The following LRRC1 variants were observed in gnomAD, a reference collection of about 807,000 sequenced individuals.
LRRC1 encodes the protein leucine rich repeat containing 1, also known as leucine-rich repeat-containing protein 1.
In LRRC1, 28 loss-of-function variants were observed where a neutral mutation model predicts 69.9. The ratio of observed to expected loss-of-function variants is 0.40; its 90% CI spans 0.30 to 0.55. The LOEUF (loss-of-function observed/expected upper bound fraction) is 0.55. LRRC1 is among the 20% of genes least tolerant of loss of function. The pLI is 0.47. For synonymous variants in LRRC1, 236 were observed against 240.2 expected (o/e 0.98, Z 0.16); for missense variants, 498 against 609.0 (o/e 0.82, Z 1.92).
chr6:53,827,326 A>AAG (rs67127472), intron 1 of LRRC1, among the ~76,000 whole-genome samples: 1 of 151,626 alleles, frequency 6.6e-6, no homozygotes, highest in Admixed American at 6.6e-5. Flanking sequence ...AAAAAAAAAA[A>AAG]CAGTTGAAGT....
chr6:53,831,684 C>T (rs1306003626), intron 1 of LRRC1, among the ~76,000 whole-genome samples: 1 of 152,162 alleles, frequency 6.6e-6, no homozygotes, highest in Non-Finnish European at 1.5e-5. Context: ...AATTTGTATG[C>T]ACTCAAAGTG....
chr6:53,889,140 C>A (rs978709202), intron 4 of LRRC1, among the ~76,000 whole-genome samples: 12 of 152,086 alleles, frequency 7.9e-5, no homozygotes, highest in African/African-American at 2.9e-4. Flanking sequence ...AAATGCAAGT[C>A]AAAACCACAA....
intron 2 of LRRC1, among the ~76,000 whole-genome samples, chr6:53,868,045 T>C (rs1766762890): frequency 2.0e-5 from 3 of 152,124 alleles, no homozygotes; most frequent in Admixed American, 2.0e-4. Context: ...CATTCCTTAA[T>C]GAGTAGATGA....
intron 6 of LRRC1, 52 bp downstream of exon 6, chr6:53,896,944 A>C (rs1309137006): frequency 1.6e-6 from 2 of 1,220,790 alleles, no homozygotes; most frequent in South Asian, 2.5e-5. Context: ...TTATGATCAC[A>C]CAGTATTTGG....
rs766113137 is a variant in LRRC1, at chr6:53,882,836, A to G, written c.357-51A>G. 5 of 1,128,538 alleles carry G rather than the reference A, an allele frequency of 4.4e-6. No individual in the cohort carries two copies. In the East Asian group the frequency reaches 7.1e-5, roughly 16 times the overall value. The allele number at this position is 1,128,538 out of a possible 1,614,324, so 69.9% of individuals were successfully genotyped here. A position where few individuals can be genotyped will look rare whatever the true frequency, so the allele number is the denominator to read the frequency against. On this transcript the variant is annotated intron_variant, in intron 3 of 13. Transcript: ENST00000370888. Reference sequence around the variant, plus strand: ...ATTATATTTATGCTTGGTATACACTATACATGAACTTTTTTAATTTACAGC... The same window carrying G: ...ATTATATTTATGCTTGGTATACACTGTACATGAACTTTTTTAATTTACAGC...
chr6:53,852,884 T>A (rs1766184075), intron 2 of LRRC1, among the ~76,000 whole-genome samples: 1 of 152,202 alleles, frequency 6.6e-6, no homozygotes, highest in African/African-American at 2.4e-5. Context: ...GGGCTGCTAT[T>A]ACAAAATGCC....
intron 1 of LRRC1, among the ~76,000 whole-genome samples, chr6:53,835,366 A>G (rs958069318): frequency 6.6e-6 from 1 of 152,154 alleles, no homozygotes; most frequent in South Asian, 2.1e-4. Flanking sequence ...TTGAAATGCA[A>G]TTCTATAATT....
Position 53,902,717 on chromosome 6 carries a change from T to C in LRRC1, c.876T>C (p.Thr292=). The change falls in exon 9 of 14, where the codon ACT becomes ACC. Residue 292 remains threonine (T), a synonymous_variant. Coordinates refer to ENST00000370888, the MANE Select transcript of LRRC1 (RefSeq NM_018214.5). ...PEAVGECESL[T]ELVLTENQLL... is the part of the protein sequence containing the mutation. Reference sequence around the variant, plus strand: ...CAGTTGGGGAATGTGAAAGTCTCACTGAGTTAGTTCTTACAGAAAATCAGC... The same window carrying C: ...CAGTTGGGGAATGTGAAAGTCTCACCGAGTTAGTTCTTACAGAAAATCAGC... The C allele has an allele frequency of 6.2e-7, 1 of 1,613,016 alleles. No homozygotes were observed. Among genetic ancestry groups the C allele is most frequent in the Non-Finnish European group, 8.5e-7 (1 of 1,179,310 alleles).
At chr6:53,920,210 C>T (rs142081310) in intron 12 of LRRC1, among the ~76,000 whole-genome samples, 6 of 152,288 alleles carry the variant, frequency 3.9e-5, no homozygotes, top group African/African-American at 1.4e-4. Context: ...TAGAGAAAAA[C>T]GTGGTGGAGT....
At chr6:53,836,472 T>A (rs941263545) in intron 1 of LRRC1, among the ~76,000 whole-genome samples, 5 of 152,174 alleles carry the variant, frequency 3.3e-5, no homozygotes, top group Admixed American at 6.5e-5. Flanking sequence ...GCTGTATTAT[T>A]ATCATTATCA....
chr6:53,893,309 T>C (rs914975536), intron 4 of LRRC1, among the ~76,000 whole-genome samples: 1 of 152,156 alleles, frequency 6.6e-6, no homozygotes, highest in Non-Finnish European at 1.5e-5. Context: ...CAAGCCTAGC[T>C]AATTAGTGAG....
chr6:53,795,332 T>TACGTCCCCGAGGAGATCTA lies in LRRC1; in HGVS notation c.77_95dup (p.Tyr32Ter). On this transcript the variant is annotated stop_gained and frameshift_variant, in exon 1 of 14. Coordinates refer to ENST00000370888, the MANE Select transcript of LRRC1 (RefSeq NM_018214.5). LOFTEE classifies it high-confidence loss of function. ...CGACAAGCGCCACTGCTCGCTGGTC[T>TACGTCCCCGAGGAGATCTA]ACGTCCCCGAGGAGATCTACCGCTA... 1 of 1,613,770 alleles carries TACGTCCCCGAGGAGATCTA rather than the reference T, an allele frequency of 6.2e-7. No individual in the cohort carries two copies. Among genetic ancestry groups the TACGTCCCCGAGGAGATCTA allele is most frequent in the Non-Finnish European group, 8.5e-7 (1 of 1,179,964 alleles).
At chr6:53,884,525 C>T (rs1021317829) in intron 4 of LRRC1, among the ~76,000 whole-genome samples, 4 of 151,892 alleles carry the variant, frequency 2.6e-5, no homozygotes, top group African/African-American at 9.7e-5. Flanking sequence ...CCCCCCTACA[C>T]AAAAAAATCT....
chr6:53,811,145 C>T (rs1764782353), intron 1 of LRRC1, among the ~76,000 whole-genome samples: 1 of 152,102 alleles, frequency 6.6e-6, no homozygotes, highest in Admixed American at 6.5e-5. Flanking sequence ...CAGATATGTC[C>T]ACATTCTCAT....
chr6:53,910,792 G>A (rs938297480), intron 10 of LRRC1, among the ~76,000 whole-genome samples: 4 of 152,174 alleles, frequency 2.6e-5, no homozygotes, highest in African/African-American at 9.7e-5. Flanking sequence ...GGTCTGTATG[G>A]TCTCAAAGCA....
intron 2 of LRRC1, among the ~76,000 whole-genome samples, chr6:53,861,018 G>C (rs1581881325): frequency 1.6e-5 from 1 of 63,116 alleles, no homozygotes; most frequent in South Asian, 7.1e-4. Context: ...GACAGACACT[G>C]GGGCCGCTTT....
At chr6:53,874,331 A>G (rs528346266) in intron 2 of LRRC1, among the ~76,000 whole-genome samples, 20 of 152,184 alleles carry the variant, frequency 1.3e-4, no homozygotes, top group African/African-American at 4.6e-4. Flanking sequence ...TCCAGATTCA[A>G]CTATAGATTT....
chr6:53,919,229 CTTTTTTTTTTTTT>C (rs879406589), intron 11 of LRRC1: 13 of 72,274 alleles, frequency 1.8e-4, no homozygotes, highest in Admixed American at 2.2e-4. Context: ...TTTTCTCTCT[CTTTTTTTTTTTTT>C]TTTTTTTTTT....
chr6:53,919,369 G>A (rs939472396), intron 11 of LRRC1, 129 bp from the exon 12 acceptor site: 14 of 736,562 alleles, frequency 1.9e-5, no homozygotes, highest in East Asian at 8.8e-5. Context: ...ACATAACACC[G>A]TTTTTACATT....
Sources: allele counts gnomAD v4.1 joint callset (sites outside exome capture counted in the v4.1 genomes callset), GRCh38; gene constraint gnomAD v4.1.1; transcripts MANE v1.5; gene names NCBI Gene and HGNC (gene_info 2026-07-23, HGNC 2026-07-21).